The following FBXL20 variants were observed in gnomAD, a reference collection of about 807,000 sequenced individuals.
The protein encoded by FBXL20 is F-box and leucine rich repeat protein 20, also known as F-box/LRR-repeat protein 20.
A neutral mutation model predicts 64.0 loss-of-function variants in FBXL20; 11 were observed. That is an observed-to-expected ratio of 0.17 (90% CI 0.11 to 0.28). FBXL20 has a LOEUF of 0.28. FBXL20 is among the 10% of genes least tolerant of loss of function. The probability of loss-of-function intolerance (pLI) is 1.00; values close to 1 mark genes in which losing one functional copy is unlikely to be tolerated. For synonymous variants in FBXL20, 184 were observed against 189.0 expected (o/e 0.97, Z 0.22); for missense variants, 303 against 526.2 (o/e 0.58, Z 4.15).
intron 2 of FBXL20, among the ~76,000 whole-genome samples, chr17:39,333,916 C>G (rs2047492365): frequency 6.6e-6 from 1 of 151,894 alleles, no homozygotes; most frequent in Non-Finnish European, 1.5e-5. Context: ...CGGCAGCCAC[C>G]CCGTCTGGGA....
intron 6 of FBXL20, among the ~76,000 whole-genome samples, chr17:39,294,152 T>C (rs1199872827): frequency 6.6e-6 from 1 of 152,044 alleles, no homozygotes; most frequent in African/African-American, 2.4e-5. Context: ...GGATTTTTTT[T>C]TTTTAAGACA....
intron 14 of FBXL20, among the ~76,000 whole-genome samples, chr17:39,262,189 G>A (rs1250607466): frequency 6.6e-6 from 1 of 152,142 alleles, no homozygotes; most frequent in Non-Finnish European, 1.5e-5. Flanking sequence ...TATGTCTGAA[G>A]AGGGGAAGAG....
intron 2 of FBXL20, among the ~76,000 whole-genome samples, chr17:39,326,927 A>G (rs2047414785): frequency 6.8e-6 from 1 of 147,566 alleles, no homozygotes; most frequent in South Asian, 2.2e-4. Flanking sequence ...TGTCACGCAG[A>G]CTGGAGTGCA....
intron 1 of FBXL20, among the ~76,000 whole-genome samples, chr17:39,347,252 T>C (rs550613981): frequency 6.6e-6 from 1 of 152,338 alleles, no homozygotes; most frequent in East Asian, 1.9e-4. Context: ...TTGTAGATCC[T>C]TGAGGAATCG....
chr17:39,302,838 T>C (rs1009077999), intron 3 of FBXL20, among the ~76,000 whole-genome samples: 2 of 152,134 alleles, frequency 1.3e-5, no homozygotes, highest in African/African-American at 4.8e-5. Context: ...GCTATCTATA[T>C]CCTATCAGGT....
intron 1 of FBXL20, among the ~76,000 whole-genome samples, chr17:39,373,076 A>G (rs755922932): frequency 1.3e-5 from 2 of 151,284 alleles, no homozygotes; most frequent in African/African-American, 2.4e-5. Flanking sequence ...GTGGCTTCAC[A>G]TCGTCTATAT....
At chr17:39,361,898 G>C (rs1342607300) in intron 1 of FBXL20, among the ~76,000 whole-genome samples, 2 of 151,296 alleles carry the variant, frequency 1.3e-5, no homozygotes, top group African/African-American at 4.9e-5. Flanking sequence ...CGGAGTTCAA[G>C]ACCAGCCTGG....
At chr17:39,378,281 T>C (rs1362756894) in intron 1 of FBXL20, among the ~76,000 whole-genome samples, 1 of 152,144 alleles carries the variant, frequency 6.6e-6, no homozygotes. Flanking sequence ...GAAGAACTCT[T>C]ATAACCCAAC....
In FBXL20 at chr17:39,331,515, T is replaced by C. The variant is rs187871120; in HGVS notation, c.104+11665A>G. On this transcript the variant is annotated intron_variant, in intron 2 of 14. Transcript: ENST00000264658. ...TCCATGCTAGGTTTAAAGCCCTACA[T>C]GTGAGATTGCTATAATGCCCTAGGC... is the stretch of plus-strand genomic sequence containing the variant. 6.3e-3 allele frequency among the ~76,000 whole-genome samples: 959 copies of C among 152,348 alleles called. 17 individuals carry two copies. The highest frequency in any genetic ancestry group is 0.022 in the African/African-American group (917 of 41,582).
At chr17:39,269,089 A>G (rs186480466) in intron 11 of FBXL20, among the ~76,000 whole-genome samples, 33 of 152,210 alleles carry the variant, frequency 2.2e-4, no homozygotes, top group Non-Finnish European at 4.4e-4. Flanking sequence ...GGCTCACTGC[A>G]GCCTCCAACT....
intron 2 of FBXL20, among the ~76,000 whole-genome samples, chr17:39,336,117 G>T (rs562613681): frequency 6.6e-6 from 1 of 152,150 alleles, no homozygotes; most frequent in East Asian, 1.9e-4. Context: ...CCTGTCAGAG[G>T]GGGGAGGGGA....
At chr17:39,381,479 CAAAAAAAAAAA>C (rs35767863) in intron 1 of FBXL20, among the ~76,000 whole-genome samples, 4 of 67,814 alleles carry the variant, frequency 5.9e-5, no homozygotes, top group Non-Finnish European at 1.3e-4. Context: ...GACTCTGTCT[CAAAAAAAAAAA>C]AAAAAAAAAG....
chr17:39,287,968 C>CTTTTT (rs34161800), intron 6 of FBXL20, among the ~76,000 whole-genome samples: 4 of 123,850 alleles, frequency 3.2e-5, no homozygotes, highest in African/African-American at 6.4e-5. Context: ...GTAATGAAAA[C>CTTTTT]TTTTTTTTTT....
At chr17:39,267,051 G>A (rs1386528884) in intron 12 of FBXL20, among the ~76,000 whole-genome samples, 11 of 152,028 alleles carry the variant, frequency 7.2e-5, no homozygotes, top group East Asian at 3.9e-4. Flanking sequence ...TCAGGAGTTC[G>A]AGACCAGCCT....
chr17:39,264,865 T>C (rs189568264), intron 13 of FBXL20, among the ~76,000 whole-genome samples: 1 of 152,324 alleles, frequency 6.6e-6, no homozygotes, highest in East Asian at 1.9e-4. Flanking sequence ...ATTAAATCCC[T>C]GATCCTGGGA....
intron 1 of FBXL20, among the ~76,000 whole-genome samples, chr17:39,390,971 A>C (rs768485950): frequency 6.6e-6 from 1 of 152,162 alleles, no homozygotes; most frequent in Non-Finnish European, 1.5e-5. Context: ...GCTTGAACCC[A>C]GGCAGAGGTT....
At chr17:39,357,048 G>A (rs1030939748) in intron 1 of FBXL20, among the ~76,000 whole-genome samples, 2 of 151,122 alleles carry the variant, frequency 1.3e-5, no homozygotes, top group Non-Finnish European at 1.5e-5. Context: ...GCCAAGGCGG[G>A]TGGATCACCG....
At chr17:39,351,225 A>G (rs1193857998) in intron 1 of FBXL20, among the ~76,000 whole-genome samples, 1 of 151,556 alleles carries the variant, frequency 6.6e-6, no homozygotes, top group Non-Finnish European at 1.5e-5. Context: ...AATCCCAGCT[A>G]CTCGGGAGGC....
chr17:39,363,819 A>AAAC (rs2047826119), intron 1 of FBXL20, among the ~76,000 whole-genome samples: 1 of 133,800 alleles, frequency 7.5e-6, no homozygotes, highest in African/African-American at 3.1e-5. Context: ...TCAAAAAAAA[A>AAAC]AAAAAAACAA....
Sources: gnomAD v4.1 joint callset for allele counts (sites outside exome capture counted in the v4.1 genomes callset) on GRCh38, gnomAD v4.1.1 for gene constraint, MANE v1.5 for transcripts, NCBI Gene and HGNC (gene_info 2026-07-23, HGNC 2026-07-21) for gene names.